The following AKAP13 variants were observed in gnomAD, a reference collection of about 807,000 sequenced individuals.
AKAP13 encodes A-kinase anchor protein 13.
AKAP13 carries 80 observed loss-of-function variants against 264.5 expected under a neutral mutation model. The ratio of observed to expected loss-of-function variants is 0.30; its 90% CI spans 0.25 to 0.36. The LOEUF (loss-of-function observed/expected upper bound fraction) is 0.36. AKAP13 is among the 10% of genes least tolerant of loss of function. The pLI is 1.00. For synonymous variants in AKAP13, 1,380 were observed against 1,250.2 expected (o/e 1.10, Z -2.19); for missense variants, 3,712 against 3,435.2 (o/e 1.08, Z -2.01).
chr15:85,717,136 A>T, intron 20 of AKAP13, 154 bp from the exon 21 acceptor site: 1 of 549,356 alleles, frequency 1.8e-6, no homozygotes, highest in Non-Finnish European at 3.2e-6. Flanking sequence ...GGCCATGTGC[A>T]TGTTGCTGTG....
At chr15:85,583,405 C>T (rs1043920944) in intron 7 of AKAP13, among the ~76,000 whole-genome samples, 7 of 152,152 alleles carry the variant, frequency 4.6e-5, no homozygotes, top group East Asian at 3.9e-4. Context: ...TTAAGGAATC[C>T]GAGGTAGAAT....
Position 85,521,444 on chromosome 15 carries a change from C to T in AKAP13, c.50C>T (p.Thr17Ile). 4 of 1,613,970 alleles carry T rather than the reference C, an allele frequency of 2.5e-6. No homozygotes were observed. Among genetic ancestry groups the T allele is most frequent in the Non-Finnish European group, 3.4e-6 (4 of 1,179,936 alleles). Reference sequence around the variant, plus strand: ...CTTTCCTAGGGTGATTGTGTTGTTACAGTGCTGCTTGCTGAAGAGGACAAA... The same window carrying T: ...CTTTCCTAGGGTGATTGTGTTGTTATAGTGCTGCTTGCTGAAGAGGACAAA... ...QAPLYGDCVV[T>I]VLLAEEDKAE... is the part of the protein sequence containing the mutation. Residue 17 changes from threonine to isoleucine, a missense_variant, in exon 3 of 37, where the codon ACA (threonine) becomes ATA (isoleucine). Thr to Ile is a moderately conservative substitution (Grantham distance 89). Around this residue, in one of 3 missense-constraint regions of AKAP13, gnomAD observed 2,759 missense variants for 2,411.7 expected, o/e 1.14. Coordinates refer to ENST00000394518, the MANE Select transcript of AKAP13 (RefSeq NM_007200.5).
intron 2 of AKAP13, chr15:85,520,520 AAAG>A: frequency 4.5e-5 from 16 of 351,866 alleles, no homozygotes; most frequent in East Asian, 7.5e-5. Context: ...AAAAAAAAAA[AAAG>A]CAACTGAAAG....
Position 85,581,324 on chromosome 15 carries a change from G to A in AKAP13, c.3256G>A (p.Asp1086Asn), listed in dbSNP as rs4843075. The A allele has an allele frequency of 0.63, 1,017,962 of 1,613,810 alleles. 322,635 individuals carry two copies. Among genetic ancestry groups the A allele is most frequent in the Middle Eastern group, 0.69 (4,185 of 6,062 alleles). ...GKTSACEVSG[D>N]VTVDVTGVNA... The stretch of plus-strand genomic sequence containing the variant: ...AACTAGTGCCTGTGAGGTGAGTGGA[G>A]ATGTGACGGTGGATGTTACAGGGGT... The change falls in exon 7 of 37, where the codon GAT becomes AAT. Residue 1086 changes from aspartate to asparagine, a missense_variant. Around this residue, in one of 3 missense-constraint regions of AKAP13, gnomAD observed 2,759 missense variants for 2,411.7 expected, o/e 1.14. Transcript: ENST00000394518.
intron 13 of AKAP13, among the ~76,000 whole-genome samples, chr15:85,669,287 T>C (rs906115813): frequency 3.9e-5 from 6 of 152,206 alleles, no homozygotes; most frequent in African/African-American, 1.4e-4. Context: ...TTACTGATAT[T>C]CTACTATATC....
chr15:85,520,926 G>A (rs886823426), intron 2 of AKAP13, among the ~76,000 whole-genome samples: 14 of 152,238 alleles, frequency 9.2e-5, no homozygotes, highest in Non-Finnish European at 2.9e-5. Flanking sequence ...CCCTTTCCAG[G>A]CAAGCCTGTT....
At chr15:85,633,565 A>T (rs536035390) in intron 8 of AKAP13, among the ~76,000 whole-genome samples, 1 of 101,068 alleles carries the variant, frequency 9.9e-6, no homozygotes, top group African/African-American at 3.4e-5. Context: ...TTTTTTTGAG[A>T]CGGAGTCTCT....
chr15:85,692,611 C>T (rs1387133494), intron 16 of AKAP13, among the ~76,000 whole-genome samples: 2 of 152,110 alleles, frequency 1.3e-5, no homozygotes, highest in Non-Finnish European at 2.9e-5. Flanking sequence ...TTTCCAGCCT[C>T]CCCTTCTTAT....
chr15:85,458,393 G>GTTTTTTTTTTTTTTTTTTTTTTTT (rs4037636), intron 1 of AKAP13, among the ~76,000 whole-genome samples: 2 of 120,664 alleles, frequency 1.7e-5, no homozygotes, highest in Non-Finnish European at 3.4e-5. Context: ...TTTGTTTTTT[G>GTTTTTTTTTTTTTTTTTTTTTTTT]TTTTTTTTTT....
intron 33 of AKAP13, among the ~76,000 whole-genome samples, chr15:85,738,149 A>T (rs1047113749): frequency 6.6e-6 from 1 of 151,854 alleles, no homozygotes; most frequent in South Asian, 2.1e-4. Context: ...TGTAATCCCA[A>T]CACTTTGGGA....
chr15:85,681,558 G>A (rs950336791), intron 14 of AKAP13, among the ~76,000 whole-genome samples: 2 of 151,870 alleles, frequency 1.3e-5, no homozygotes, highest in African/African-American at 4.8e-5. Flanking sequence ...GCCTGGAAAG[G>A]ACTTTGCCAT....
At chr15:85,602,997 C>T (rs796484569) in intron 8 of AKAP13, among the ~76,000 whole-genome samples, 3 of 152,164 alleles carry the variant, frequency 2.0e-5, no homozygotes, top group African/African-American at 4.8e-5. Context: ...CTCATAGTGA[C>T]GACTACAGGC....
At chr15:85,684,503 G>T (rs2084787396) in intron 15 of AKAP13, 1 of 375,702 alleles carries the variant, frequency 2.7e-6, no homozygotes, top group African/African-American at 2.1e-5. Context: ...GTTCAAGGCT[G>T]CAGTGAGCTA....
intron 14 of AKAP13, among the ~76,000 whole-genome samples, chr15:85,676,273 A>G (rs1160170267): frequency 6.6e-6 from 1 of 152,214 alleles, no homozygotes; most frequent in African/African-American, 2.4e-5. Flanking sequence ...CAAGGCAGAG[A>G]GCAGTGGCAA....
At chr15:85,411,416 G>A (rs963803321) in intron 1 of AKAP13, among the ~76,000 whole-genome samples, 2 of 152,142 alleles carry the variant, frequency 1.3e-5, no homozygotes, top group African/African-American at 2.4e-5. Context: ...TAAAGCTCTC[G>A]TGTGATGGAC....
At chr15:85,512,981 C>G (rs576126840) in intron 2 of AKAP13, among the ~76,000 whole-genome samples, 10 of 152,036 alleles carry the variant, frequency 6.6e-5, no homozygotes, top group Non-Finnish European at 1.3e-4. Flanking sequence ...CTCAGCCTCC[C>G]GAGTAGCTGG....
At chr15:85,417,233 A>G (rs1466729873) in intron 1 of AKAP13, among the ~76,000 whole-genome samples, 1 of 152,202 alleles carries the variant, frequency 6.6e-6, no homozygotes, top group Non-Finnish European at 1.5e-5. Context: ...TTTCTTTAAT[A>G]TGTGCCAGAT....
At chr15:85,709,251 T>C (rs1354524158) in intron 18 of AKAP13, among the ~76,000 whole-genome samples, 2 of 152,206 alleles carry the variant, frequency 1.3e-5, no homozygotes, top group Non-Finnish European at 2.9e-5. Context: ...ATAGTACTTA[T>C]CACCTTCTTA....
intron 8 of AKAP13, among the ~76,000 whole-genome samples, chr15:85,626,902 C>G (rs988518351): frequency 1.3e-5 from 2 of 152,168 alleles, no homozygotes; most frequent in African/African-American, 4.8e-5. Flanking sequence ...CACATCCTCG[C>G]CAACACTTAT....
Sources: gnomAD v4.1 joint callset for allele counts (sites outside exome capture counted in the v4.1 genomes callset) on GRCh38, gnomAD v4.1.1 for gene constraint, gnomAD v4.1.1 regional missense constraint, MANE v1.5 for transcripts, NCBI Gene and HGNC (gene_info 2026-07-23, HGNC 2026-07-21) for gene names.